The following OSBPL10 variants were observed in gnomAD, a reference collection of about 807,000 sequenced individuals.
OSBPL10 encodes oxysterol binding protein like 10.
OSBPL10 carries 49 observed loss-of-function variants against 81.7 expected under a neutral mutation model. The observed-to-expected ratio is 0.60, with a 90% CI of 0.48 to 0.76. The LOEUF (loss-of-function observed/expected upper bound fraction) is 0.76, where lower values mean the gene tolerates loss of function less well. Ranked by LOEUF, OSBPL10 falls within the 30% of genes least tolerant of loss-of-function variation. OSBPL10 has a pLI of 0.00. For missense variants in OSBPL10, 923 were observed against 987.8 expected, an observed-to-expected ratio of 0.93 and a Z score of 0.88; for synonymous variants, 419 against 383.6, an observed-to-expected ratio of 1.09 and a Z score of -1.08.
chr3:31,695,009 C>T (rs543511024), intron 7 of OSBPL10, among the ~76,000 whole-genome samples: 2 of 152,312 alleles, frequency 1.3e-5, no homozygotes, highest in East Asian at 1.9e-4. Context: ...CCACCTCAAC[C>T]TCCCAAAGTG....
At chr3:31,903,914 G>A (rs1474494608) in intron 1 of OSBPL10, among the ~76,000 whole-genome samples, 5 of 152,296 alleles carry the variant, frequency 3.3e-5, no homozygotes, top group Non-Finnish European at 7.3e-5. Context: ...TCAACAGGAA[G>A]TCAAGGTGGA....
At chr3:31,774,111 G>T (rs191788205) in intron 4 of OSBPL10, among the ~76,000 whole-genome samples, 18 of 148,960 alleles carry the variant, frequency 1.2e-4, no homozygotes, top group African/African-American at 3.7e-4. Context: ...GCAGTGAGCC[G>T]AGATTGCACC....
At chr3:31,882,326 T>C in intron 1 of OSBPL10, among the ~76,000 whole-genome samples, 1 of 152,206 alleles carries the variant, frequency 6.6e-6, no homozygotes, top group Non-Finnish European at 1.5e-5. Context: ...CTGGTTCTCA[T>C]GAACAGCGTG....
rs1397267928 is a variant in OSBPL10 at position 31,942,160 on chromosome 3, A to C, written c.281+38739T>G. On this transcript the variant is annotated intron_variant, in intron 1 of 11. Coordinates refer to ENST00000396556, the MANE Select transcript of OSBPL10 (RefSeq NM_017784.5). ...CGTGACGGCAGGCACCTGTAGTCCC[A>C]ACTACTCGGGAGGCTGAGGTAGAAC... 1.3e-5 allele frequency among the ~76,000 whole-genome samples: 2 copies of C among 152,184 alleles called. 1 individual carries two copies. The highest frequency in any genetic ancestry group is 1.3e-4 in the Admixed American group (2 of 15,274).
intron 6 of OSBPL10, chr3:31,721,558 T>G (rs1696645349): frequency 6.6e-6 from 1 of 152,192 alleles, no homozygotes. Flanking sequence ...ATTATTAAAT[T>G]AGCTCTATGT....
chr3:31,852,972 G>A lies in OSBPL10; in HGVS notation c.538-22741C>T, dbSNP rs181849176. On this transcript the variant is annotated intron_variant, in intron 3 of 11. Transcript: ENST00000396556. ...ATAAGTTGTAAAGAAAGAGTACCAA[G>A]GGCAATGTGCCCCACATAGTAGGCA... 5.3e-5 allele frequency among the ~76,000 whole-genome samples: 8 copies of A among 152,252 alleles called. No homozygotes were observed. In the East Asian group the frequency reaches 1.5e-3, roughly 29 times the overall value.
chr3:31,924,491 T>A (rs1697014124), intron 1 of OSBPL10, among the ~76,000 whole-genome samples: 1 of 152,072 alleles, frequency 6.6e-6, no homozygotes, highest in Non-Finnish European at 1.5e-5. Flanking sequence ...CCCTCTCAGG[T>A]AAAATCCTGG....
intron 3 of OSBPL10, among the ~76,000 whole-genome samples, chr3:31,848,429 C>G (rs929987220): frequency 1.3e-5 from 2 of 152,004 alleles, no homozygotes; most frequent in Non-Finnish European, 2.9e-5. Context: ...ACATGAAGAA[C>G]ATGAATTCCA....
intron 4 of OSBPL10, among the ~76,000 whole-genome samples, chr3:31,823,290 T>C (rs1218553072): frequency 1.3e-5 from 2 of 152,234 alleles, no homozygotes; most frequent in Admixed American, 6.5e-5. Flanking sequence ...GAGTCCTTAA[T>C]TCAATTTGTT....
At chr3:31,731,010 T>C (rs1402851701) in intron 6 of OSBPL10, among the ~76,000 whole-genome samples, 2 of 152,216 alleles carry the variant, frequency 1.3e-5, no homozygotes, top group Admixed American at 1.3e-4. Flanking sequence ...CACTTCATTC[T>C]ATATAGAAGT....
At chr3:32,028,263 G>T (rs1038650426) in intron 2 of OSBPL10, among the ~76,000 whole-genome samples, 3 of 152,204 alleles carry the variant, frequency 2.0e-5, no homozygotes, top group African/African-American at 7.2e-5. Flanking sequence ...CAGTCAAAAT[G>T]TCTGAGAACC....
Position 31,969,870 on chromosome 3 carries a change from G to GA in OSBPL10, c.281+11028dup, listed in dbSNP as rs58507991. ...ACTCCGTCTCAAAAAAACAAAAAAAGAAAAAAAAAAAACACGAGGCCTCTT... is the reference window on the plus strand; with the variant it reads ...ACTCCGTCTCAAAAAAACAAAAAAAGAAAAAAAAAAAAACACGAGGCCTCTT... On this transcript the variant is annotated intron_variant, in intron 1 of 11. Transcript: ENST00000396556. Among the ~76,000 whole-genome samples, 454 of 113,780 alleles carry GA rather than the reference G, an allele frequency of 4.0e-3. 3 individuals are homozygous for GA. Among genetic ancestry groups the GA allele is most frequent in the African/African-American group, 9.9e-3 (308 of 31,028 alleles). The allele number at this position is 113,780 out of a possible 152,430, so 74.6% of individuals were successfully genotyped here.
At chr3:31,934,261 A>C (rs1697325803) in intron 1 of OSBPL10, among the ~76,000 whole-genome samples, 1 of 152,056 alleles carries the variant, frequency 6.6e-6, no homozygotes, top group African/African-American at 2.4e-5. Context: ...GCTTGAGCCT[A>C]GGAATTCAAG....
intron 2 of OSBPL10, among the ~76,000 whole-genome samples, chr3:32,045,217 T>A (rs1340837500): frequency 6.6e-6 from 1 of 152,208 alleles, no homozygotes; most frequent in East Asian, 1.9e-4. Flanking sequence ...GGCTCCCATC[T>A]GGTGCAGGCA....
intron 7 of OSBPL10, among the ~76,000 whole-genome samples, chr3:31,684,862 G>A (rs954026849): frequency 6.6e-6 from 1 of 152,154 alleles, no homozygotes. Context: ...TACAGAACCT[G>A]CTGCTAAAGG....
At position 31,668,637 on chromosome 3, in the gene OSBPL10, C is replaced by T. The variant is rs748803077; in HGVS notation, c.2096+5G>A. 1 of 1,607,606 alleles carries T rather than the reference C, an allele frequency of 6.2e-7. No individual in the cohort carries two copies. Among genetic ancestry groups the T allele is most frequent in the Non-Finnish European group, 8.5e-7 (1 of 1,176,242 alleles). ...CTGGAGAGGAAGACACAGCCCGGTT[C>T]TCACCTGGACTCCATGGGTCCCTGC... On this transcript the variant is annotated splice_donor_5th_base_variant and intron_variant, in intron 10 of 11. Coordinates refer to ENST00000396556, the MANE Select transcript of OSBPL10 (RefSeq NM_017784.5).
At chr3:31,888,861 T>C (rs1281429068) in intron 1 of OSBPL10, among the ~76,000 whole-genome samples, 2 of 151,984 alleles carry the variant, frequency 1.3e-5, no homozygotes, top group Non-Finnish European at 2.9e-5. Context: ...GAGGTGGAGG[T>C]TGCAGTGAGC....
At position 31,881,800 on chromosome 3, in the gene OSBPL10, A is replaced by G. The variant is rs1695588240; in HGVS notation, c.282-1970T>C. Among the ~76,000 whole-genome samples, 3 of 152,262 alleles carry G rather than the reference A, an allele frequency of 2.0e-5. No individual in the cohort carries two copies. The South Asian group carries it at 6.2e-4, about 31-fold the overall frequency. ...TAGATACTTATTTTAACCTAGAAGC[A>G]CCAACAACCAGCAAAGTTCACAAAC... On this transcript the variant is annotated intron_variant, in intron 1 of 11. Coordinates refer to ENST00000396556, the MANE Select transcript of OSBPL10 (RefSeq NM_017784.5).
chr3:31,777,282 T>G (rs1698571876), intron 4 of OSBPL10, among the ~76,000 whole-genome samples: 1 of 152,242 alleles, frequency 6.6e-6, no homozygotes, highest in Non-Finnish European at 1.5e-5. Flanking sequence ...TTTTCTAATT[T>G]GTTGTTAAAA....
Sources: allele counts gnomAD v4.1 joint callset (sites outside exome capture counted in the v4.1 genomes callset), GRCh38; gene constraint gnomAD v4.1.1; transcripts MANE v1.5; gene names NCBI Gene and HGNC (gene_info 2026-07-23, HGNC 2026-07-21).